The following ASIC2 variants were observed in gnomAD, a reference collection of about 807,000 sequenced individuals.
The protein encoded by ASIC2 is acid-sensing ion channel 2.
ASIC2 carries 25 observed loss-of-function variants against 57.3 expected under a neutral mutation model. The observed-to-expected ratio is 0.44, with a 90% CI of 0.32 to 0.61. The LOEUF (loss-of-function observed/expected upper bound fraction) is 0.61. Ranked by LOEUF, ASIC2 falls within the 20% of genes least tolerant of loss-of-function variation. ASIC2 has a pLI of 0.06. For missense variants in ASIC2, 641 were observed against 738.1 expected (o/e 0.87, Z 1.52); for synonymous variants, 319 against 307.5 (o/e 1.04, Z -0.39).
intron 1 of ASIC2, among the ~76,000 whole-genome samples, chr17:33,896,525 G>A (rs895171985): frequency 6.6e-6 from 1 of 152,228 alleles, no homozygotes; most frequent in Non-Finnish European, 1.5e-5. Context: ...TGCTGATGGA[G>A]GAGGATGGGC....
chr17:33,815,166 T>C (rs1912539367), intron 1 of ASIC2, among the ~76,000 whole-genome samples: 1 of 152,156 alleles, frequency 6.6e-6, no homozygotes, highest in South Asian at 2.1e-4. Flanking sequence ...TCAGTTCCCA[T>C]CTTTAAATTT....
At chr17:33,429,118 T>C (rs1382286824) in intron 1 of ASIC2, among the ~76,000 whole-genome samples, 1 of 152,250 alleles carries the variant, frequency 6.6e-6, no homozygotes, top group South Asian at 2.1e-4. Flanking sequence ...TGGAACTCTC[T>C]TGTGAATGGA....
At chr17:33,230,716 G>A (rs191552138) in intron 1 of ASIC2, among the ~76,000 whole-genome samples, 4 of 152,046 alleles carry the variant, frequency 2.6e-5, no homozygotes, top group South Asian at 4.2e-4. Context: ...AAGAAGGGGG[G>A]TAAGAGAAGA....
At chr17:33,319,470 G>A (rs1328720855) in intron 1 of ASIC2, among the ~76,000 whole-genome samples, 1 of 151,994 alleles carries the variant, frequency 6.6e-6, no homozygotes, top group East Asian at 1.9e-4. Context: ...TGTTCATGTG[G>A]GATTCAGACC....
intron 1 of ASIC2, chr17:34,036,670 C>T (rs1476940756): frequency 2.4e-5 from 3 of 127,512 alleles, no homozygotes; most frequent in Admixed American, 1.7e-4. Context: ...TATATTGATA[C>T]TTTGAATTTG....
At chr17:33,684,322 T>G (rs973937472) in intron 1 of ASIC2, among the ~76,000 whole-genome samples, 4 of 151,526 alleles carry the variant, frequency 2.6e-5, no homozygotes, top group African/African-American at 7.3e-5. Context: ...GACCCTGGGG[T>G]GGGGAGGGGG....
At chr17:33,897,227 C>A (rs765110669) in intron 1 of ASIC2, among the ~76,000 whole-genome samples, 1 of 152,216 alleles carries the variant, frequency 6.6e-6, no homozygotes, top group East Asian at 1.9e-4. Context: ...GAGACTCACT[C>A]AGAGACCACT....
chr17:33,565,477 C>A (rs1310165802), intron 1 of ASIC2, among the ~76,000 whole-genome samples: 1 of 152,178 alleles, frequency 6.6e-6, no homozygotes, highest in Non-Finnish European at 1.5e-5. Flanking sequence ...TTTCTTTGTG[C>A]CTTGCTCTCT....
rs529968029 is a variant in ASIC2, at chr17:33,644,860, G to A, written c.555+511118C>T. On this transcript the variant is annotated intron_variant, in intron 1 of 9. Transcript: ENST00000359872. ...TGTGTTCATTGGCTTGATTGAATAT[G>A]TGAAACATTCCTAGACTTCTTTAGC... 5.3e-5 allele frequency among the ~76,000 whole-genome samples: 8 copies of A among 152,274 alleles called. No homozygotes were observed. The East Asian group carries it at 1.5e-3, about 29-fold the overall frequency.
intron 1 of ASIC2, among the ~76,000 whole-genome samples, chr17:33,312,739 A>T (rs1906483683): frequency 6.6e-6 from 1 of 152,206 alleles, no homozygotes; most frequent in Non-Finnish European, 1.5e-5. Flanking sequence ...GTTCGAGACC[A>T]GCCTGACCAA....
At chr17:33,158,477 C>T (rs1377705218) in intron 1 of ASIC2, among the ~76,000 whole-genome samples, 1 of 152,276 alleles carries the variant, frequency 6.6e-6, no homozygotes, top group East Asian at 1.9e-4. Flanking sequence ...GTATTAACTG[C>T]TGGGCCCTGG....
intron 1 of ASIC2, among the ~76,000 whole-genome samples, chr17:33,493,031 G>GAAATTACAGAAATTACAGAAA (rs1913809856): frequency 6.6e-6 from 1 of 152,228 alleles, no homozygotes; most frequent in African/African-American, 2.4e-5. Context: ...CAAATGAGCA[G>GAAATTACAGAAATTACAGAAA]TTATAGAAAT....
At chr17:33,502,797 C>A (rs2141943093) in intron 1 of ASIC2, among the ~76,000 whole-genome samples, 1 of 152,298 alleles carries the variant, frequency 6.6e-6, no homozygotes, top group Non-Finnish European at 1.5e-5. Context: ...CTTTTAAATT[C>A]TCTGGCCATG....
intron 1 of ASIC2, among the ~76,000 whole-genome samples, chr17:33,363,914 G>A (rs1055307883): frequency 3.3e-5 from 5 of 152,196 alleles, no homozygotes; most frequent in Non-Finnish European, 7.3e-5. Flanking sequence ...GGTACCACCT[G>A]CAGCCAGCCT....
intron 1 of ASIC2, among the ~76,000 whole-genome samples, chr17:33,515,576 T>C (rs1914541824): frequency 6.6e-6 from 1 of 152,180 alleles, no homozygotes; most frequent in African/African-American, 2.4e-5. Context: ...TGCCTTTGAG[T>C]GCCTCTCTCC....
At chr17:33,551,627 T>C (rs1432191924) in intron 1 of ASIC2, among the ~76,000 whole-genome samples, 1 of 152,146 alleles carries the variant, frequency 6.6e-6, no homozygotes, top group Non-Finnish European at 1.5e-5. Flanking sequence ...AATAATTAGA[T>C]TATAGACATC....
At chr17:33,320,873 A>C (rs993704454) in intron 1 of ASIC2, among the ~76,000 whole-genome samples, 66 of 152,250 alleles carry the variant, frequency 4.3e-4, no homozygotes, top group African/African-American at 1.5e-3. Flanking sequence ...GGGTGTCATA[A>C]AGTGCTTGCC....
rs139194678 is a variant in ASIC2, at chr17:33,410,146, T to TA, written c.556-298080dup. Among the ~76,000 whole-genome samples the TA allele has an allele frequency of 7.4e-3, 1,126 of 152,260 alleles. 19 individuals carry two copies. Among genetic ancestry groups the TA allele is most frequent in the African/African-American group, 0.026 (1,064 of 41,556 alleles). On this transcript the variant is annotated intron_variant, in intron 1 of 9. Coordinates refer to the ASIC2 transcript ENST00000359872. ...CCTGAGACAGGTAGCAATGAGGCTC[T>TA]AATCGCTGACTCTTCTAAGCCTGGC...
intron 1 of ASIC2, among the ~76,000 whole-genome samples, chr17:33,979,002 CAG>C (rs1398718265): frequency 6.6e-6 from 1 of 152,156 alleles, no homozygotes; most frequent in African/African-American, 2.4e-5. Context: ...CAGATCCAAC[CAG>C]AGTCAGTTTA....
Sources: allele counts gnomAD v4.1 joint callset (sites outside exome capture counted in the v4.1 genomes callset), GRCh38; gene constraint gnomAD v4.1.1; transcripts MANE v1.5; gene names NCBI Gene and HGNC (gene_info 2026-07-23, HGNC 2026-07-21).